Variants in DNAJC9 observed in about 807,000 individuals in gnomAD.
The protein encoded by DNAJC9 is DnaJ heat shock protein family (Hsp40) member C9.
Under a neutral mutation model 32.4 loss-of-function variants are expected in DNAJC9, and 18 were observed. The observed-to-expected ratio is 0.56, with a 90% CI of 0.38 to 0.82. The LOEUF is 0.82. Ranked by LOEUF, DNAJC9 falls within the 40% of genes least tolerant of loss-of-function variation. The pLI, the probability that DNAJC9 is intolerant of heterozygous loss-of-function variation, is 0.00. For synonymous variants in DNAJC9, 113 were observed against 122.1 expected (o/e 0.93, Z 0.49); for missense variants, 310 against 321.8 (o/e 0.96, Z 0.28).
downstream of DNAJC9, chr10:73,234,923 G>A (rs2043788399): frequency 3.9e-6 from 6 of 1,551,964 alleles, no homozygotes; most frequent in Non-Finnish European, 5.2e-6. Context: ...GAGCACTGTG[G>A]GGCCACAAAG....
chr10:73,243,503 C>G lies in DNAJC9; in HGVS notation c.680G>C (p.Arg227Pro), dbSNP rs148829608. 2 of 1,613,992 alleles carry G rather than the reference C, an allele frequency of 1.2e-6. No homozygotes were observed. Among genetic ancestry groups the G allele is most frequent in the South Asian group, 1.1e-5 (1 of 91,064 alleles). Residue 227 changes from arginine (R) to proline (P), a missense_variant, in exon 5 of 5, where the codon CGG becomes CCG. Physicochemically the swap from Arg to Pro is moderately radical, Grantham distance 103. Transcript: ENST00000372950. ...KAAIQSRQKD[R>P]QKEMDNFLAQ... ...CAGAAAATTGTCCATTTCCTTTTGC[C>G]GATCCTTTTGTCTGCTCTGTTTGAG...
chr10:73,240,154 CT>C (rs2043909089), downstream of DNAJC9, among the ~76,000 whole-genome samples: 1 of 152,194 alleles, frequency 6.6e-6, no homozygotes, highest in Admixed American at 6.5e-5. Flanking sequence ...TTAATTCTTC[CT>C]GTGACAGTCT....
intron 2 of DNAJC9, chr10:73,232,928 T>C (rs1247930972): frequency 6.7e-7 from 1 of 1,484,626 alleles, no homozygotes; most frequent in East Asian, 2.5e-5. Context: ...GGTTTCTGAT[T>C]TGGCTACTAG....
chr10:73,239,496 T>C, downstream of DNAJC9: 1 of 773,268 alleles, frequency 1.3e-6, no homozygotes, highest in Non-Finnish European at 2.1e-6. Flanking sequence ...TTGGATTTAA[T>C]GTTTTCCCAC....
At position 73,243,393 on chromosome 10, in the gene DNAJC9, A is replaced by C. The variant is rs2043975124; in HGVS notation, c.*7T>G. The C allele has an allele frequency of 6.2e-7, 1 of 1,613,140 alleles. No individual in the cohort carries two copies. The highest frequency in any genetic ancestry group is 1.3e-5 in the African/African-American group (1 of 74,870). On this transcript the variant is annotated 3_prime_UTR_variant, in exon 5 of 5. Coordinates refer to ENST00000372950, the MANE Select transcript of DNAJC9 (RefSeq NM_015190.5). ...ACACCTAAGGACCTTTGAAGAGAAA[A>C]ATTCCATTATTTCTTTTCTTTCTTG...
chr10:73,243,994 CAAAA>C, intron 3 of DNAJC9, 65 bp from the exon 4 acceptor site: 2 of 1,312,526 alleles, frequency 1.5e-6, no homozygotes, highest in Non-Finnish European at 2.2e-6. Context: ...TACTCTTTCC[CAAAA>C]GCAAATCTAT....
At chr10:73,246,268 C>A in intron 2 of DNAJC9, 92 bp from the exon 3 acceptor site, 1 of 1,360,724 alleles carries the variant, frequency 7.3e-7, no homozygotes, top group South Asian at 1.3e-5. Context: ...TGAATTGCTG[C>A]AATACAACAG....
In DNAJC9 at chr10:73,247,028, G is replaced by T. The variant is rs770216517; in HGVS notation, c.162C>A (p.Asp54Glu). The T allele has an allele frequency of 1.3e-5, 20 of 1,523,902 alleles. No individual in the cohort carries two copies. The highest frequency in any genetic ancestry group is 1.8e-5 in the Non-Finnish European group (20 of 1,132,782). The allele number at this position is 1,523,902 out of a possible 1,614,324, so 94.4% of individuals were successfully genotyped here. Residue 54 changes from aspartate (D) to glutamate (E), a missense_variant, in exon 1 of 5, where the codon GAC becomes GAA. Coordinates refer to ENST00000372950, the MANE Select transcript of DNAJC9 (RefSeq NM_015190.5). ...PDRVGEGDKEDATRRFQILGK... is the reference protein window; with the variant it reads ...PDRVGEGDKEEATRRFQILGK... Reference sequence around the variant, plus strand: ...TGCATACCTGGAAGCGGCGGGTGGCGTCCTCCTTGTCGCCCTCACCCACCC... The same window carrying T: ...TGCATACCTGGAAGCGGCGGGTGGCTTCCTCCTTGTCGCCCTCACCCACCC...
chr10:73,235,953 C>G (rs7912383), downstream of DNAJC9, among the ~76,000 whole-genome samples: 1 of 152,056 alleles, frequency 6.6e-6, no homozygotes, highest in Admixed American at 6.5e-5. Flanking sequence ...TGCACTGACC[C>G]TCCCCATTTG....
At chr10:73,235,320 T>G (rs779619565), downstream of DNAJC9, 13 of 1,551,784 alleles carry the variant, frequency 8.4e-6, no homozygotes, top group South Asian at 3.6e-5. Flanking sequence ...TCATTTTTGG[T>G]AGAGTGACGT....
downstream of DNAJC9, chr10:73,235,232 G>A (rs370350559): frequency 9.1e-5 from 141 of 1,551,678 alleles, no homozygotes; most frequent in Non-Finnish European, 1.2e-4. Flanking sequence ...AAGTGCGGTG[G>A]TGGATGAACC....
At chr10:73,234,869 A>G (rs1472429908), downstream of DNAJC9, 4 of 1,551,726 alleles carry the variant, frequency 2.6e-6, no homozygotes, top group East Asian at 9.8e-5. Context: ...CCTGAGTCGA[A>G]ATAATCTGCT....
At position 73,244,847 on chromosome 10, in the gene DNAJC9, T is replaced by C. The variant is rs146070211; in HGVS notation, c.577-918A>G. Among the ~76,000 whole-genome samples, 658 of 152,312 alleles carry C rather than the reference T, an allele frequency of 4.3e-3. 6 individuals are homozygous for C. The highest frequency in any genetic ancestry group is 6.8e-3 in the Middle Eastern group (2 of 294). On this transcript the variant is annotated intron_variant, in intron 3 of 4. Transcript: ENST00000372950. ...TATTAATACTGAGGATGATGATACA[T>C]TAGGACCCCCTATCCCAATAAGACA...
At chr10:73,239,597 A>T (rs182591045), downstream of DNAJC9, among the ~76,000 whole-genome samples, 21 of 151,932 alleles carry the variant, frequency 1.4e-4, no homozygotes, top group African/African-American at 5.1e-4. Flanking sequence ...AAAGTTTCAG[A>T]TTCCTATTTT....
chr10:73,236,185 T>C (rs1019198989), downstream of DNAJC9, among the ~76,000 whole-genome samples: 3 of 151,632 alleles, frequency 2.0e-5, no homozygotes, highest in Non-Finnish European at 4.4e-5. Context: ...GACCTCTGTA[T>C]TAGTTTCCTA....
At chr10:73,244,871 C>T (rs952571566) in intron 3 of DNAJC9, among the ~76,000 whole-genome samples, 1 of 152,176 alleles carries the variant, frequency 6.6e-6, no homozygotes, top group Non-Finnish European at 1.5e-5. Context: ...CCCAATAAGA[C>T]ACCGTTTCCT....
At chr10:73,245,005 G>A (rs187340401) in intron 3 of DNAJC9, among the ~76,000 whole-genome samples, 1 of 152,234 alleles carries the variant, frequency 6.6e-6, no homozygotes, top group East Asian at 1.9e-4. Flanking sequence ...TACTGTGAAT[G>A]CAGCTGTGCT....
downstream of DNAJC9, among the ~76,000 whole-genome samples, chr10:73,240,497 G>C (rs566906424): frequency 1.4e-3 from 214 of 152,238 alleles, 1 homozygote; most frequent in Middle Eastern, 6.8e-3. Context: ...CGGATCACGA[G>C]GTCAGCATAT....
chr10:73,235,500 A>C, downstream of DNAJC9: 1 of 1,346,174 alleles, frequency 7.4e-7, no homozygotes. Flanking sequence ...CCTGATGCCT[A>C]TTCTTTAATG....
Sources: allele counts gnomAD v4.1 joint callset (sites outside exome capture counted in the v4.1 genomes callset), GRCh38; gene constraint gnomAD v4.1.1; transcripts MANE v1.5; gene names NCBI Gene and HGNC (gene_info 2026-07-23, HGNC 2026-07-21).